CNTNAP2: variants seen among roughly 807,000 people sequenced by gnomAD.
CNTNAP2 encodes contactin associated protein 2, also known as contactin-associated protein-like 2.
Under a neutral mutation model 155.2 loss-of-function variants are expected in CNTNAP2, and 98 were observed. The ratio of observed to expected loss-of-function variants is 0.63; its 90% CI spans 0.54 to 0.75. The LOEUF (loss-of-function observed/expected upper bound fraction) is 0.75, where lower values mean the gene tolerates loss of function less well. Among genes scored for constraint, CNTNAP2 ranks in the 30% least tolerant of loss-of-function variants. CNTNAP2 has a pLI of 0.00. For missense variants in CNTNAP2, 1,727 were observed against 1,688.1 expected (o/e 1.02, Z -0.40); for synonymous variants, 651 against 631.2 (o/e 1.03, Z -0.47).
intron 3 of CNTNAP2, among the ~76,000 whole-genome samples, chr7:146,958,406 G>A (rs1469415302): frequency 8.6e-6 from 1 of 116,930 alleles, no homozygotes; most frequent in Non-Finnish European, 1.8e-5. Flanking sequence ...ACATTTTTAT[G>A]GTTTTTTTTT....
chr7:147,267,373 A>G (rs1046840017), intron 8 of CNTNAP2, among the ~76,000 whole-genome samples: 1 of 152,202 alleles, frequency 6.6e-6, no homozygotes, highest in Non-Finnish European at 1.5e-5. Context: ...TTGAATGGCA[A>G]TGAGTGATAC....
At chr7:146,782,184 A>C (rs1585088079) in intron 2 of CNTNAP2, 1 of 152,122 alleles carries the variant, frequency 6.6e-6, no homozygotes, top group South Asian at 2.1e-4. Context: ...TACTTTTTAA[A>C]ATTTTCTCCT....
At chr7:147,865,028 GT>G (rs1799203123) in intron 13 of CNTNAP2, among the ~76,000 whole-genome samples, 1 of 152,124 alleles carries the variant, frequency 6.6e-6, no homozygotes, top group African/African-American at 2.4e-5. Flanking sequence ...AATGCTTCCA[GT>G]TTTTGCCCAT....
At chr7:146,907,845 C>T (rs1038273001) in intron 3 of CNTNAP2, among the ~76,000 whole-genome samples, 60 of 152,234 alleles carry the variant, frequency 3.9e-4, no homozygotes, top group Middle Eastern at 3.4e-3. Context: ...AATTAAAAGA[C>T]ACAGACTGGC....
intron 13 of CNTNAP2, among the ~76,000 whole-genome samples, chr7:147,803,047 G>A (rs1463753799): frequency 3.3e-5 from 5 of 152,044 alleles, no homozygotes; most frequent in Admixed American, 2.6e-4. Context: ...AAAAATTTAC[G>A]ATTGTGAAAA....
At chr7:147,585,638 A>G (rs1459809347) in intron 12 of CNTNAP2, among the ~76,000 whole-genome samples, 1 of 151,830 alleles carries the variant, frequency 6.6e-6, no homozygotes, top group Non-Finnish European at 1.5e-5. Flanking sequence ...CCAAAAATAT[A>G]AATACTTATA....
chr7:147,276,671 CA>C (rs1296173788), intron 8 of CNTNAP2, among the ~76,000 whole-genome samples: 17 of 152,136 alleles, frequency 1.1e-4, no homozygotes, highest in African/African-American at 4.1e-4. Context: ...AATATTTCAT[CA>C]AAACATACCT....
At chr7:147,515,196 G>C (rs1799097475) in intron 11 of CNTNAP2, among the ~76,000 whole-genome samples, 1 of 151,950 alleles carries the variant, frequency 6.6e-6, no homozygotes, top group South Asian at 2.1e-4. Flanking sequence ...ACTCCATCCA[G>C]TCATTGCCCA....
intron 12 of CNTNAP2, among the ~76,000 whole-genome samples, chr7:147,602,421 C>G (rs1244668275): frequency 6.6e-6 from 1 of 150,464 alleles, no homozygotes; most frequent in Non-Finnish European, 1.5e-5. Flanking sequence ...CAAAATATTA[C>G]CACATCAATG....
At chr7:147,863,161 A>G (rs966057508) in intron 13 of CNTNAP2, among the ~76,000 whole-genome samples, 5 of 152,072 alleles carry the variant, frequency 3.3e-5, no homozygotes, top group East Asian at 1.9e-4. Flanking sequence ...TTTCCCACCT[A>G]TAAGTGAGAA....
intron 8 of CNTNAP2, among the ~76,000 whole-genome samples, chr7:147,168,518 T>A (rs1016949646): frequency 1.3e-5 from 2 of 152,018 alleles, no homozygotes; most frequent in African/African-American, 4.8e-5. Flanking sequence ...CTGATAAAGG[T>A]TAGGTTTGAT....
intron 1 of CNTNAP2, among the ~76,000 whole-genome samples, chr7:146,535,533 A>AGTTG (rs56262259): frequency 6.9e-6 from 1 of 145,900 alleles, no homozygotes; most frequent in African/African-American, 2.6e-5. Flanking sequence ...TTGTTTATTT[A>AGTTG]AACTTTAAAC....
intron 9 of CNTNAP2, among the ~76,000 whole-genome samples, chr7:147,341,372 G>A (rs1183622967): frequency 1.3e-5 from 2 of 151,898 alleles, no homozygotes; most frequent in Non-Finnish European, 2.9e-5. Context: ...AACCAACATG[G>A]CATGTGCATA....
At chr7:147,025,593 G>A (rs987665861) in intron 3 of CNTNAP2, among the ~76,000 whole-genome samples, 2 of 151,600 alleles carry the variant, frequency 1.3e-5, no homozygotes, top group South Asian at 2.1e-4. Flanking sequence ...CACCTCCAAC[G>A]CTGGGAATTA....
intron 12 of CNTNAP2, among the ~76,000 whole-genome samples, chr7:147,601,546 G>T (rs184483577): frequency 6.6e-6 from 1 of 150,990 alleles, no homozygotes; most frequent in Non-Finnish European, 1.5e-5. Flanking sequence ...GGATGTATAC[G>T]TGCAGGTCAC....
intron 12 of CNTNAP2, among the ~76,000 whole-genome samples, chr7:147,584,959 G>C (rs538147382): frequency 6.6e-6 from 1 of 152,256 alleles, no homozygotes; most frequent in South Asian, 2.1e-4. Context: ...GACAGACGTT[G>C]ATTGGCATGA....
chr7:148,341,112 C>T (rs1055102764), intron 21 of CNTNAP2, among the ~76,000 whole-genome samples: 5 of 152,164 alleles, frequency 3.3e-5, no homozygotes, highest in African/African-American at 9.7e-5. Context: ...CAAGGTGGCC[C>T]GTCAAGACCT....
rs183198595 is a variant in CNTNAP2 at position 148,164,585 on chromosome 7, C to T, written c.2774-7657C>T. On this transcript the variant is annotated intron_variant, in intron 17 of 23. Transcript: ENST00000361727. Reference sequence around the variant, plus strand: ...TGATAAGATAGCAACGACACCCATCCTAACTCTGTGCTTTCTTTTCTCTCT... The same window carrying T: ...TGATAAGATAGCAACGACACCCATCTTAACTCTGTGCTTTCTTTTCTCTCT... 2.3e-4 allele frequency among the ~76,000 whole-genome samples: 34 copies of T among 150,288 alleles called. No homozygotes were observed. The Middle Eastern group carries it at 0.01, about 46-fold the overall frequency.
intron 13 of CNTNAP2, among the ~76,000 whole-genome samples, chr7:147,686,563 A>G (rs532161922): frequency 6.6e-6 from 1 of 152,038 alleles, no homozygotes; most frequent in Non-Finnish European, 1.5e-5. Context: ...AGTAATGTAG[A>G]TAGAGAATGG....
Sources: gnomAD v4.1 joint callset for allele counts (sites outside exome capture counted in the v4.1 genomes callset) on GRCh38, gnomAD v4.1.1 for gene constraint, MANE v1.5 for transcripts, NCBI Gene and HGNC (gene_info 2026-07-23, HGNC 2026-07-21) for gene names.